The following PROX1 variants were observed in gnomAD, a reference collection of about 807,000 sequenced individuals.
PROX1 encodes the protein prospero homeobox protein 1.
In PROX1, 7 loss-of-function variants were observed where a neutral mutation model predicts 58.8. The observed-to-expected ratio is 0.12, with a 90% CI of 0.07 to 0.22. PROX1 has a LOEUF of 0.22. Ranked by LOEUF, PROX1 falls within the 10% of genes least tolerant of loss-of-function variation. The pLI is 1.00. For missense variants in PROX1, 675 were observed against 927.8 expected (o/e 0.73, Z 3.54); for synonymous variants, 350 against 358.3 (o/e 0.98, Z 0.26).
At chr1:214,028,887 C>T (rs1049035316) in intron 4 of PROX1, 9 of 152,248 alleles carry the variant, frequency 5.9e-5, no homozygotes, top group African/African-American at 2.2e-4. Context: ...CTCCATGATT[C>T]CTCTTTTCAG....
intron 4 of PROX1, chr1:214,029,081 T>C (rs1486499241): frequency 6.6e-6 from 1 of 152,146 alleles, no homozygotes; most frequent in African/African-American, 2.4e-5. Context: ...AGGAGATGAG[T>C]CTCTCCTTGA....
Position 214,024,026 on chromosome 1 carries a change from G to A in PROX1, c.2029-11623G>A, listed in dbSNP as rs112675927. On this transcript the variant is annotated intron_variant, in intron 4 of 4. Coordinates refer to ENST00000366958, the MANE Select transcript of PROX1 (RefSeq NM_001270616.2). ...TTATCATTTTCAGTGACCTGAAGGC[G>A]TACAAGATAATCTGTGTAGATACCT... Among the ~76,000 whole-genome samples the A allele has an allele frequency of 1.0e-3, 155 of 152,208 alleles. 2 individuals carry two copies. The highest frequency in any genetic ancestry group is 2.9e-3 in the African/African-American group (119 of 41,530).
chr1:213,991,004 A>T (rs1663016019), intron 1 of PROX1, among the ~76,000 whole-genome samples: 1 of 152,214 alleles, frequency 6.6e-6, no homozygotes. Flanking sequence ...CTGATGCAAG[A>T]TGTGAGAAGT....
intron 2 of PROX1, among the ~76,000 whole-genome samples, chr1:214,003,931 C>T (rs2360069): frequency 0.28 from 41,964 of 152,106 alleles, 5,997 homozygotes; most frequent in Admixed American, 0.39. Context: ...TTTGACATTT[C>T]TGCCTAAGGG....
chr1:214,014,873 C>T (rs1204030047), intron 4 of PROX1, among the ~76,000 whole-genome samples: 2 of 152,202 alleles, frequency 1.3e-5, no homozygotes, highest in African/African-American at 2.4e-5. Context: ...GCACCACCTC[C>T]GTCCAGCCCC....
chr1:214,013,139 GT>G (rs1285948082), intron 4 of PROX1, among the ~76,000 whole-genome samples: 2 of 2,180 alleles, frequency 9.2e-4, no homozygotes, highest in Non-Finnish European at 0.012. Context: ...AGTTTGGGTG[GT>G]GTGTGTGTGT....
In PROX1 at chr1:214,037,777, A is replaced by T. The variant is rs1306261919; in HGVS notation, c.*1943A>T. 3.3e-5 allele frequency: 5 copies of T among 152,228 alleles called. No individual in the cohort carries two copies. The highest frequency in any genetic ancestry group is 3.3e-4 in the Admixed American group (5 of 15,280). The allele number at this position is 152,228 out of a possible 1,614,324, so 9.4% of individuals were successfully genotyped here. Reference sequence around the variant, plus strand: ...TATTTTTCTCACTTGCTTTAAAAAAAAGCAGTTTGGATAATCATGACATTG... The same window carrying T: ...TATTTTTCTCACTTGCTTTAAAAAATAGCAGTTTGGATAATCATGACATTG... On this transcript the variant is annotated 3_prime_UTR_variant, in exon 5 of 5. Transcript: ENST00000366958.
upstream of PROX1, chr1:213,986,056 TA>T (rs1214587481): frequency 7.2e-5 from 11 of 152,222 alleles, no homozygotes; most frequent in African/African-American, 2.7e-4. Context: ...CCCCGCTCAA[TA>T]CACCCGCTTA....
At chr1:213,993,138 A>T (rs1663097106) in intron 1 of PROX1, among the ~76,000 whole-genome samples, 1 of 152,204 alleles carries the variant, frequency 6.6e-6, no homozygotes, top group Admixed American at 6.5e-5. Context: ...GATGCAACAA[A>T]ATATTTAATG....
intron 2 of PROX1, among the ~76,000 whole-genome samples, chr1:214,000,563 G>T (rs1024871846): frequency 3.3e-5 from 5 of 152,100 alleles, no homozygotes; most frequent in Admixed American, 1.3e-4. Context: ...AATAATGTCG[G>T]CCTCTCGTGG....
chr1:214,005,612 C>G (rs1294811213), intron 3 of PROX1, among the ~76,000 whole-genome samples: 1 of 152,154 alleles, frequency 6.6e-6, no homozygotes, highest in Non-Finnish European at 1.5e-5. Context: ...CCCTCAGCAA[C>G]AGTAAACTGT....
At position 214,039,153 on chromosome 1, in the gene PROX1, T is replaced by G. The variant is rs1452192986; in HGVS notation, c.*3319T>G. On this transcript the variant is annotated 3_prime_UTR_variant, in exon 5 of 5. Coordinates refer to ENST00000366958, the MANE Select transcript of PROX1 (RefSeq NM_001270616.2). ...AGTGGAAAGCTTACCTTTTCCTATC[T>G]AGATTTAAGAACCTATTTTAGACAT... 2 of 152,228 alleles carry G rather than the reference T, an allele frequency of 1.3e-5. No individual in the cohort carries two copies. Among genetic ancestry groups the G allele is most frequent in the Non-Finnish European group, 2.9e-5 (2 of 68,038 alleles). The allele number at this position is 152,228 out of a possible 1,614,324, so 9.4% of individuals were successfully genotyped here.
chr1:214,028,304 T>C (rs1664528046), intron 4 of PROX1, among the ~76,000 whole-genome samples: 1 of 152,190 alleles, frequency 6.6e-6, no homozygotes, highest in Non-Finnish European at 1.5e-5. Context: ...ATATAACATC[T>C]TGCCCTTTGA....
rs1216824123 is a variant in PROX1 at position 214,040,617 on chromosome 1, G to T, written c.*4783G>T. ...CCCAGCCATTTCTCATATGTATATA[G>T]TATAAACCGTGACAAAACACTGCCT... is the stretch of plus-strand genomic sequence containing the variant. On this transcript the variant is annotated 3_prime_UTR_variant, in exon 5 of 5. Transcript: ENST00000366958. 1 of 152,104 alleles carries T rather than the reference G, an allele frequency of 6.6e-6. No individual in the cohort carries two copies. The highest frequency in any genetic ancestry group is 1.5e-5 in the Non-Finnish European group (1 of 68,000). 9.4% of individuals were successfully genotyped at this position (152,104 alleles called of 1,614,324 possible). A position where few individuals can be genotyped will look rare whatever the true frequency, so the allele number is the denominator to read the frequency against.
At chr1:214,023,691 GGA>G (rs1664360665) in intron 4 of PROX1, among the ~76,000 whole-genome samples, 1 of 152,072 alleles carries the variant, frequency 6.6e-6, no homozygotes, top group Non-Finnish European at 1.5e-5. Flanking sequence ...TTTGTGGTTG[GGA>G]GGTATTGAGT....
At position 214,040,781 on chromosome 1, in the gene PROX1, C is replaced by G. The variant is rs550593502; in HGVS notation, c.*4947C>G. The G allele has an allele frequency of 6.6e-6, 1 of 151,774 alleles. No homozygotes were observed. Among genetic ancestry groups the G allele is most frequent in the East Asian group, 1.9e-4 (1 of 5,170 alleles). 9.4% of individuals were successfully genotyped at this position (151,774 alleles called of 1,614,324 possible). A position where few individuals can be genotyped will look rare whatever the true frequency, so the allele number is the denominator to read the frequency against. On this transcript the variant is annotated 3_prime_UTR_variant, in exon 5 of 5. Transcript: ENST00000366958. The stretch of plus-strand genomic sequence containing the variant: ...TTTGTTTGTTTTTTTTAGCTAGAGG[C>G]AATTTCAATTGTGAATTTTTGTTGT...
chr1:214,011,846 T>TGTGATGTTACTCACAGTA, intron 4 of PROX1, 131 bp downstream of exon 4: 1 of 700,750 alleles, frequency 1.4e-6, no homozygotes, highest in Admixed American at 3.4e-5. Flanking sequence ...GAGTAACAGG[T>TGTGATGTTACTCACAGTA]AGAGCTGTGA....
In PROX1 at chr1:214,041,000, T is replaced by TA. The variant is rs1230057017; in HGVS notation, c.*5173dup. On this transcript the variant is annotated 3_prime_UTR_variant, in exon 5 of 5. Transcript: ENST00000366958. ...AGACAATTGATTTTAAAGGAAAAGT[T>TA]AAAAAAATTAGTTTGGCAGCTACTA... The TA allele has an allele frequency of 2.6e-5, 4 of 151,850 alleles. No homozygotes were observed. Among genetic ancestry groups the TA allele is most frequent in the East Asian group, 1.9e-4 (1 of 5,188 alleles). The allele number at this position is 151,850 out of a possible 1,614,324, so 9.4% of individuals were successfully genotyped here. A position where few individuals can be genotyped will look rare whatever the true frequency, so the allele number is the denominator to read the frequency against.
chr1:214,038,845 G>A lies in PROX1; in HGVS notation c.*3011G>A, dbSNP rs1406161034. ...ATTTTGTGTCTTTTTAAAACAAAGC[G>A]GGAGAATACGTTTTTGAAGAAGAGA... On this transcript the variant is annotated 3_prime_UTR_variant, in exon 5 of 5. Coordinates refer to ENST00000366958, the MANE Select transcript of PROX1 (RefSeq NM_001270616.2). 4 of 152,232 alleles carry A rather than the reference G, an allele frequency of 2.6e-5. No individual in the cohort carries two copies. The highest frequency in any genetic ancestry group is 3.9e-4 in the East Asian group (2 of 5,180). The allele number at this position is 152,232 out of a possible 1,614,324, so 9.4% of individuals were successfully genotyped here.
Sources: allele counts gnomAD v4.1 joint callset (sites outside exome capture counted in the v4.1 genomes callset), GRCh38; gene constraint gnomAD v4.1.1; transcripts MANE v1.5; gene names NCBI Gene and HGNC (gene_info 2026-07-23, HGNC 2026-07-21).